Variants in VWA8 observed in about 807,000 individuals in gnomAD.
VWA8 encodes von Willebrand factor A domain containing 8, also known as von Willebrand factor A domain-containing protein 8.
A neutral mutation model predicts 241.5 loss-of-function variants in VWA8; 221 were observed. The ratio of observed to expected loss-of-function variants is 0.91; its 90% CI spans 0.82 to 1.02. The LOEUF is 1.02. Ranked by LOEUF, VWA8 falls within the 50% of genes least tolerant of loss-of-function variation. The pLI, the probability that VWA8 is intolerant of heterozygous loss-of-function variation, is 0.00. For missense variants in VWA8, 2,322 were observed against 2,328.7 expected, an observed-to-expected ratio of 1.00 and a Z score of 0.06; for synonymous variants, 852 against 827.1, an observed-to-expected ratio of 1.03 and a Z score of -0.52.
intron 19 of VWA8, among the ~76,000 whole-genome samples, chr13:41,779,235 A>AAT (rs940978012): frequency 6.8e-6 from 1 of 147,994 alleles, no homozygotes; most frequent in Non-Finnish European, 1.5e-5. Flanking sequence ...AAAATATATA[A>AAT]ATATATATGA....
intron 19 of VWA8, among the ~76,000 whole-genome samples, chr13:41,778,599 T>C (rs1868726383): frequency 6.6e-6 from 1 of 152,014 alleles, no homozygotes; most frequent in Admixed American, 6.6e-5. Context: ...GGAAATTACA[T>C]TGCTCTTTTG....
At chr13:41,940,833 C>T (rs1234721724) in intron 2 of VWA8, among the ~76,000 whole-genome samples, 2 of 152,086 alleles carry the variant, frequency 1.3e-5, no homozygotes, top group Non-Finnish European at 2.9e-5. Context: ...ATGGTACCAT[C>T]ATCATCTTGA....
At chr13:41,715,681 G>A (rs1372004884) in intron 26 of VWA8, among the ~76,000 whole-genome samples, 1 of 151,958 alleles carries the variant, frequency 6.6e-6, no homozygotes, top group Non-Finnish European at 1.5e-5. Context: ...TTGGTTGGAT[G>A]TTTGGACCTA....
intron 1 of VWA8, among the ~76,000 whole-genome samples, chr13:41,958,277 T>C (rs948148660): frequency 4.6e-5 from 7 of 152,208 alleles, no homozygotes; most frequent in Non-Finnish European, 1.0e-4. Context: ...TCCTTCTCTG[T>C]ATGAACTTTC....
At chr13:41,646,461 T>C (rs1423933066) in intron 37 of VWA8, among the ~76,000 whole-genome samples, 1 of 152,242 alleles carries the variant, frequency 6.6e-6, no homozygotes, top group African/African-American at 2.4e-5. Context: ...TATTTCTACT[T>C]TGCAGGACAG....
intron 26 of VWA8, among the ~76,000 whole-genome samples, chr13:41,709,695 C>T (rs2045304028): frequency 6.6e-6 from 1 of 151,994 alleles, no homozygotes; most frequent in East Asian, 1.9e-4. Context: ...GGGCAGATGG[C>T]TGCAATCCTG....
intron 36 of VWA8, among the ~76,000 whole-genome samples, chr13:41,673,560 A>G (rs1274493516): frequency 6.6e-6 from 1 of 152,240 alleles, no homozygotes; most frequent in Non-Finnish European, 1.5e-5. Context: ...AGTGTAAAAT[A>G]CATACTGAAT....
chr13:41,836,699 A>T lies in VWA8; in HGVS notation c.1426-3168T>A, dbSNP rs184327759. ...TTCAAGTAAGTAAACATTTATACTA[A>T]CAGAGATGATGAAAAAGACAACTAG... On this transcript the variant is annotated intron_variant, in intron 12 of 44. Coordinates refer to ENST00000379310, the MANE Select transcript of VWA8 (RefSeq NM_015058.2). Among the ~76,000 whole-genome samples the T allele has an allele frequency of 2.6e-3, 398 of 152,246 alleles. 1 individual carries two copies. The highest frequency in any genetic ancestry group is 4.1e-3 in the Non-Finnish European group (282 of 68,000).
intron 21 of VWA8, among the ~76,000 whole-genome samples, chr13:41,743,373 G>A (rs2045582447): frequency 6.6e-6 from 1 of 152,194 alleles, no homozygotes; most frequent in Admixed American, 6.5e-5. Context: ...CCCCTAGTGA[G>A]AGACCTTAAC....
intron 17 of VWA8, 140 bp from the exon 18 acceptor site, chr13:41,787,683 AAAATCT>A: frequency 1.7e-6 from 1 of 604,488 alleles, no homozygotes; most frequent in Non-Finnish European, 2.9e-6. Context: ...CTGGATCTGT[AAAATCT>A]AAATCAAACA....
intron 17 of VWA8, among the ~76,000 whole-genome samples, chr13:41,796,143 G>A (rs1566460833): frequency 6.6e-6 from 1 of 152,088 alleles, no homozygotes; most frequent in Non-Finnish European, 1.5e-5. Flanking sequence ...ATGAGCATTT[G>A]TAATTGCATA....
chr13:41,853,557 C>T (rs1042099848), intron 12 of VWA8, among the ~76,000 whole-genome samples: 1 of 152,096 alleles, frequency 6.6e-6, no homozygotes, highest in East Asian at 1.9e-4. Context: ...TCTCCTAACT[C>T]ATTATTGATT....
intron 23 of VWA8, among the ~76,000 whole-genome samples, chr13:41,728,901 T>C (rs947595403): frequency 6.6e-6 from 1 of 152,132 alleles, no homozygotes; most frequent in African/African-American, 2.4e-5. Context: ...AATGGCTAGT[T>C]ATAGATTTTC....
At chr13:41,776,720 T>C (rs968662007) in intron 20 of VWA8, among the ~76,000 whole-genome samples, 3 of 152,194 alleles carry the variant, frequency 2.0e-5, no homozygotes, top group African/African-American at 7.2e-5. Flanking sequence ...TATTCCCAGG[T>C]TAGACATCAA....
chr13:41,761,609 T>C (rs1379301160), intron 20 of VWA8, among the ~76,000 whole-genome samples: 2 of 152,134 alleles, frequency 1.3e-5, no homozygotes, highest in Admixed American at 6.6e-5. Context: ...TTCAGAATTA[T>C]GATTTTCAGT....
chr13:41,644,298 G>A (rs2044816584), intron 37 of VWA8, among the ~76,000 whole-genome samples: 1 of 151,940 alleles, frequency 6.6e-6, no homozygotes, highest in South Asian at 2.1e-4. Flanking sequence ...CCAGAGTGTA[G>A]AGAGGTAGTT....
chr13:41,738,966 A>G (rs1395450154), intron 21 of VWA8, among the ~76,000 whole-genome samples: 2 of 152,182 alleles, frequency 1.3e-5, no homozygotes, highest in Non-Finnish European at 2.9e-5. Flanking sequence ...TTTTAAAAAG[A>G]CTTTATCAAT....
chr13:41,840,090 C>G (rs1871926978), intron 12 of VWA8, among the ~76,000 whole-genome samples: 1 of 152,104 alleles, frequency 6.6e-6, no homozygotes, highest in African/African-American at 2.4e-5. Context: ...CCTTCACATC[C>G]TTTGTAAGTT....
At chr13:41,922,247 C>G (rs1392803547) in intron 2 of VWA8, among the ~76,000 whole-genome samples, 1 of 152,198 alleles carries the variant, frequency 6.6e-6, no homozygotes, top group Non-Finnish European at 1.5e-5. Context: ...AAAGCTGAAA[C>G]TGGATCCCAT....
Sources: gnomAD v4.1 joint callset for allele counts (sites outside exome capture counted in the v4.1 genomes callset) on GRCh38, gnomAD v4.1.1 for gene constraint, MANE v1.5 for transcripts, NCBI Gene and HGNC (gene_info 2026-07-23, HGNC 2026-07-21) for gene names.